The following SPATA13 variants were observed in gnomAD, a reference collection of about 807,000 sequenced individuals.
SPATA13 encodes spermatogenesis-associated protein 13.
In SPATA13, 50 loss-of-function variants were observed where a neutral mutation model predicts 104.0. The observed-to-expected ratio is 0.48, with a 90% CI of 0.38 to 0.61. The LOEUF is 0.61. SPATA13 is among the 20% of genes least tolerant of loss of function. The pLI is 0.00. For synonymous variants in SPATA13, 606 were observed against 667.5 expected, an observed-to-expected ratio of 0.91 and a Z score of 1.42; for missense variants, 1,524 against 1,690.6, an observed-to-expected ratio of 0.90 and a Z score of 1.73.
intron 3 of SPATA13, among the ~76,000 whole-genome samples, chr13:24,137,242 G>T (rs1056219654): frequency 2.0e-5 from 3 of 152,140 alleles, no homozygotes; most frequent in African/African-American, 7.2e-5. Flanking sequence ...GCTTCAGTTG[G>T]GGTGAAAGGC....
intron 1 of SPATA13, among the ~76,000 whole-genome samples, chr13:24,221,373 A>G (rs1209768951): frequency 2.0e-5 from 3 of 152,338 alleles, no homozygotes; most frequent in South Asian, 2.1e-4. Flanking sequence ...TATTATCATA[A>G]TCTATCATTC....
intron 2 of SPATA13, among the ~76,000 whole-genome samples, chr13:24,240,690 G>A (rs1166714887): frequency 6.6e-6 from 1 of 152,172 alleles, no homozygotes; most frequent in Non-Finnish European, 1.5e-5. Context: ...TGGGCTAATA[G>A]TATTAAAGTA....
chr13:24,174,990 G>A (rs1883156358), intron 1 of SPATA13, among the ~76,000 whole-genome samples: 1 of 152,160 alleles, frequency 6.6e-6, no homozygotes, highest in African/African-American at 2.4e-5. Context: ...CTGATTTCTA[G>A]TTTAATTCCA....
At chr13:23,986,270 C>CT (rs1566062644) in intron 2 of SPATA13, among the ~76,000 whole-genome samples, 1 of 152,160 alleles carries the variant, frequency 6.6e-6, no homozygotes, top group Admixed American at 6.5e-5. Flanking sequence ...TGTGCAAAGC[C>CT]TTTGTATCTT....
In SPATA13 at chr13:24,051,731, G is replaced by C. The variant is rs1349501370; in HGVS notation, c.-112+34030G>C. Among the ~76,000 whole-genome samples the C allele has an allele frequency of 6.6e-6, 1 of 150,940 alleles. No homozygotes were observed. The highest frequency in any genetic ancestry group is 2.5e-5 in the African/African-American group (1 of 40,738). On this transcript the variant is annotated intron_variant, in intron 3 of 14. Transcript: ENST00000424834. This position sits in a 1 kb window ranked among gnomAD's most constrained non-coding sequence, Gnocchi z 4.2. ...CGAATCTTCAGAGGTGGGAGCTTTA[G>C]GGGGGAAGTGGTAGCGATTGGAGTC... is the stretch of plus-strand genomic sequence containing the variant.
chr13:24,262,836 A>G (rs1313678470), intron 4 of SPATA13, among the ~76,000 whole-genome samples: 1 of 152,246 alleles, frequency 6.6e-6, no homozygotes, highest in Non-Finnish European at 1.5e-5. Context: ...GACTTAGCTT[A>G]GACAAGTCAT....
intron 4 of SPATA13, chr13:24,270,569 G>C: frequency 4.0e-6 from 2 of 500,840 alleles, no homozygotes; most frequent in Non-Finnish European, 7.1e-6. Flanking sequence ...TGGCTTGTGA[G>C]TGTGTTTGTC....
At chr13:24,274,059 G>T (rs781364042) in intron 4 of SPATA13, among the ~76,000 whole-genome samples, 1 of 152,124 alleles carries the variant, frequency 6.6e-6, no homozygotes, top group Non-Finnish European at 1.5e-5. Context: ...TGCTCCAGGC[G>T]GAGAGGTCAG....
intron 3 of SPATA13, among the ~76,000 whole-genome samples, chr13:24,131,228 T>C (rs1015171513): frequency 1.3e-5 from 2 of 152,242 alleles, no homozygotes; most frequent in African/African-American, 2.4e-5. Flanking sequence ...TGTGCATTTG[T>C]TTATAGGAGA....
chr13:24,108,876 A>G, intron 3 of SPATA13, among the ~76,000 whole-genome samples: 1 of 152,070 alleles, frequency 6.6e-6, no homozygotes, highest in East Asian at 1.9e-4. Context: ...CTAGTAACAC[A>G]TTTGTATTTG....
At position 24,051,815 on chromosome 13, in the gene SPATA13, C is replaced by CCAGGG. The variant is rs1878352033; in HGVS notation, c.-112+34123_-112+34127dup. The stretch of plus-strand genomic sequence containing the variant: ...AAGAGCCTGCTAAGAGTTATGTTCT[C>CCAGGG]CAGGGCAGGGCAGAGGGAGATGCCC... On this transcript the variant is annotated intron_variant, in intron 3 of 14. Coordinates refer to the SPATA13 transcript ENST00000424834. The surrounding 1 kb of genome is among the most constrained non-coding windows in gnomAD (Gnocchi z 4.2). Among the ~76,000 whole-genome samples, 1 of 152,176 alleles carries CCAGGG rather than the reference C, an allele frequency of 6.6e-6. No individual in the cohort carries two copies. Among genetic ancestry groups the CCAGGG allele is most frequent in the African/African-American group, 2.4e-5 (1 of 41,436 alleles).
intron 3 of SPATA13, among the ~76,000 whole-genome samples, chr13:24,103,382 G>T (rs550363627): frequency 6.6e-6 from 1 of 151,148 alleles, no homozygotes; most frequent in Non-Finnish European, 1.5e-5. Context: ...CACTTGAAGA[G>T]ACTGAGGTGG....
chr13:24,278,962 TTCCCTCCTTCCCTCCCTCCC>T, intron 4 of SPATA13: 1 of 469,540 alleles, frequency 2.1e-6, no homozygotes, highest in Non-Finnish European at 3.4e-6. Context: ...CCTTCCTTCC[TTCCCTCCTTCCCTCCCTCCC>T]TCCCTCCCTC....
intron 3 of SPATA13, among the ~76,000 whole-genome samples, chr13:24,146,033 C>A (rs1881919822): frequency 6.6e-6 from 1 of 152,194 alleles, no homozygotes; most frequent in South Asian, 2.1e-4. Context: ...GAACAGGTAG[C>A]ACAAGGTCCC....
intron 8 of SPATA13, among the ~76,000 whole-genome samples, chr13:24,290,007 C>G (rs1018305317): frequency 7.9e-5 from 12 of 152,132 alleles, no homozygotes; most frequent in African/African-American, 2.9e-4. Context: ...GTGACGTGGG[C>G]ATATCTGGGA....
chr13:24,096,890 C>G (rs1273283804), intron 3 of SPATA13, among the ~76,000 whole-genome samples: 1 of 152,130 alleles, frequency 6.6e-6, no homozygotes, highest in Non-Finnish European at 1.5e-5. Context: ...ACCTCTTGCC[C>G]AGGTGTAAGG....
intron 1 of SPATA13, among the ~76,000 whole-genome samples, chr13:24,191,243 T>C (rs981502481): frequency 8.5e-5 from 13 of 152,196 alleles, no homozygotes; most frequent in African/African-American, 3.1e-4. Context: ...CCCAAAATGT[T>C]GGGATTATAG....
intron 1 of SPATA13, among the ~76,000 whole-genome samples, chr13:24,176,567 G>A (rs557225382): frequency 6.6e-6 from 1 of 151,964 alleles, no homozygotes; most frequent in Admixed American, 6.6e-5. Context: ...GACCAGGCAA[G>A]TCCAAGGACA....
intron 2 of SPATA13, among the ~76,000 whole-genome samples, chr13:24,230,507 G>T (rs1469787478): frequency 6.6e-6 from 1 of 152,204 alleles, no homozygotes; most frequent in Non-Finnish European, 1.5e-5. Flanking sequence ...CTGGCGGGAA[G>T]AGTGTAGAAC....
Sources: allele counts gnomAD v4.1 joint callset (sites outside exome capture counted in the v4.1 genomes callset), GRCh38; gene constraint gnomAD v4.1.1; non-coding constraint Gnocchi (gnomAD v3.1); transcripts MANE v1.5; gene names NCBI Gene and HGNC (gene_info 2026-07-23, HGNC 2026-07-21).